DNAH7: variants seen among roughly 807,000 people sequenced by gnomAD.
DNAH7 encodes the protein axonemal beta dynein heavy chain 7.
A neutral mutation model predicts 444.6 loss-of-function variants in DNAH7; 397 were observed. That is an observed-to-expected ratio of 0.89 (90% CI 0.82 to 0.97). The LOEUF (loss-of-function observed/expected upper bound fraction) is 0.97. DNAH7 is among the 50% of genes least tolerant of loss of function. DNAH7 has a pLI of 0.00. For synonymous variants in DNAH7, 1,636 were observed against 1,624.4 expected (o/e 1.01, Z -0.17); for missense variants, 4,902 against 4,800.8 (o/e 1.02, Z -0.62).
chr2:195,923,511 A>T, intron 23 of DNAH7, 84 bp downstream of exon 23: 1 of 1,310,942 alleles, frequency 7.6e-7, no homozygotes, highest in South Asian at 1.3e-5. Flanking sequence ...TACTGCTACT[A>T]TTTCCCATGT....
intron 63 of DNAH7, among the ~76,000 whole-genome samples, chr2:195,748,114 G>T (rs918039452): frequency 8.5e-5 from 13 of 152,166 alleles, no homozygotes; most frequent in Non-Finnish European, 1.6e-4. Context: ...ATCTCCTTAA[G>T]CTGATAAGCA....
intron 64 of DNAH7, among the ~76,000 whole-genome samples, chr2:195,740,042 G>A (rs765887338): frequency 6.6e-6 from 1 of 152,104 alleles, no homozygotes; most frequent in Non-Finnish European, 1.5e-5. Flanking sequence ...GGAGTGCAAT[G>A]GTGCGATCTA....
rs1688343671 is a variant in DNAH7, at chr2:195,926,500, C to G, written c.3538G>C (p.Gly1180Arg). The G allele has an allele frequency of 1.2e-6, 2 of 1,607,106 alleles. No homozygotes were observed. Among genetic ancestry groups the G allele is most frequent in the Non-Finnish European group, 1.7e-6 (2 of 1,177,216 alleles). ...ERINWVRDWP[G>R]QTVLCVSQIF... is the part of the protein sequence containing the mutation. ...TGGGATACACAGAGAACAGTCTGTC[C>G]AGGCCAATCCCTTACCCAGTTAATT... The change falls in exon 22 of 65, where the codon GGA (glycine) becomes CGA (arginine). Residue 1180 changes from glycine (G) to arginine (R), a missense_variant. Gly to Arg is a moderately radical substitution (Grantham distance 125, BLOSUM62 -2). Transcript: ENST00000312428.
At chr2:195,933,747 T>C (rs1485205952) in intron 21 of DNAH7, among the ~76,000 whole-genome samples, 1 of 82,542 alleles carries the variant, frequency 1.2e-5, no homozygotes, top group Non-Finnish European at 2.3e-5. Context: ...CGGGGCCTGT[T>C]GTGGGGTGGG....
intron 36 of DNAH7, 151 bp downstream of exon 36, chr2:195,881,643 CA>C (rs549774814): frequency 1.8e-3 from 1,191 of 676,652 alleles, no homozygotes; most frequent in South Asian, 2.7e-3. Flanking sequence ...TTGGCTAAAA[CA>C]AAAAAAAATA....
intron 3 of DNAH7, among the ~76,000 whole-genome samples, chr2:196,050,793 CT>C (rs1697417844): frequency 1.3e-5 from 2 of 152,188 alleles, no homozygotes; most frequent in Admixed American, 6.5e-5. Context: ...GAAGACCCAT[CT>C]CCTTGAAGAT....
chr2:195,846,620 G>T (rs1264743464), intron 46 of DNAH7, among the ~76,000 whole-genome samples: 2 of 152,210 alleles, frequency 1.3e-5, no homozygotes, highest in African/African-American at 4.8e-5. Context: ...TCCTGGGTGT[G>T]TCTCTGAGGG....
intron 19 of DNAH7, among the ~76,000 whole-genome samples, chr2:195,937,114 G>T (rs1231521024): frequency 2.0e-5 from 3 of 152,018 alleles, no homozygotes; most frequent in African/African-American, 7.2e-5. Flanking sequence ...ACTGGTATGA[G>T]ATATTTTCTT....
intron 47 of DNAH7, among the ~76,000 whole-genome samples, chr2:195,842,637 A>G (rs1200990156): frequency 6.6e-6 from 1 of 152,154 alleles, no homozygotes; most frequent in Non-Finnish European, 1.5e-5. Context: ...ACTTTCTGCT[A>G]ATATTTCAAC....
intron 5 of DNAH7, among the ~76,000 whole-genome samples, chr2:196,036,253 C>T (rs965848579): frequency 2.6e-5 from 4 of 152,010 alleles, no homozygotes; most frequent in African/African-American, 7.3e-5. Flanking sequence ...AGGCTGGTCT[C>T]GAACTCCTGA....
intron 43 of DNAH7, 142 bp downstream of exon 43, chr2:195,858,332 C>G: frequency 1.4e-6 from 1 of 739,788 alleles, no homozygotes; most frequent in Non-Finnish European, 2.0e-6. Context: ...TTAGGGAATT[C>G]TTTTGCCAAT....
intron 1 of DNAH7, among the ~76,000 whole-genome samples, chr2:196,065,520 G>A (rs1041045247): frequency 3.9e-5 from 6 of 152,154 alleles, no homozygotes; most frequent in African/African-American, 1.4e-4. Context: ...GTGCCTGGGA[G>A]GCTGAATTCT....
intron 19 of DNAH7, among the ~76,000 whole-genome samples, chr2:195,954,684 C>T (rs1427055629): frequency 2.0e-5 from 3 of 151,918 alleles, no homozygotes; most frequent in Non-Finnish European, 2.9e-5. Context: ...TCCTCTCCAG[C>T]ACCTGTTGTT....
At chr2:195,784,122 A>C (rs1695506959) in intron 58 of DNAH7, among the ~76,000 whole-genome samples, 1 of 152,186 alleles carries the variant, frequency 6.6e-6, no homozygotes, top group Non-Finnish European at 1.5e-5. Flanking sequence ...TCCACAGCTG[A>C]CATTAGGGTT....
intron 24 of DNAH7, among the ~76,000 whole-genome samples, chr2:195,921,080 T>C (rs1377104714): frequency 6.6e-6 from 1 of 152,196 alleles, no homozygotes; most frequent in African/African-American, 2.4e-5. Flanking sequence ...AGTGTGGATG[T>C]AGTGAAAGGG....
At chr2:195,908,820 G>T (rs1687191514) in intron 25 of DNAH7, among the ~76,000 whole-genome samples, 1 of 151,956 alleles carries the variant, frequency 6.6e-6, no homozygotes, top group Non-Finnish European at 1.5e-5. Context: ...TTATAATTTT[G>T]AGCTTTTAAA....
At chr2:196,047,108 C>G (rs908121154) in intron 5 of DNAH7, among the ~76,000 whole-genome samples, 1 of 152,160 alleles carries the variant, frequency 6.6e-6, no homozygotes, top group African/African-American at 2.4e-5. Flanking sequence ...ATAATAAGAA[C>G]TCCCAGAAAT....
intron 47 of DNAH7, among the ~76,000 whole-genome samples, chr2:195,841,690 C>T (rs1261025016): frequency 6.6e-6 from 1 of 151,234 alleles, no homozygotes; most frequent in Non-Finnish European, 1.5e-5. Flanking sequence ...TTTTTTTTAA[C>T]AAGAAAATGT....
chr2:195,923,803 A>C lies in DNAH7; in HGVS notation c.3617T>G (p.Leu1206Arg), dbSNP rs1688169167. The stretch of plus-strand genomic sequence containing the variant: ...GTTACATGTTTTCAAGTATTGCTCA[A>C]GAGCCTGAAAGAAAAGAAAATAAGA... ...QTAIPMGIKALEQYLKTCNRQ... is the reference protein window; with the variant it reads ...QTAIPMGIKAREQYLKTCNRQ... The change falls in exon 23 of 65, where the codon CTT becomes CGT. Residue 1206 changes from leucine to arginine, a missense_variant. Transcript: ENST00000312428. 1 of 1,613,564 alleles carries C rather than the reference A, an allele frequency of 6.2e-7. No individual in the cohort carries two copies. The highest frequency in any genetic ancestry group is 8.5e-7 in the Non-Finnish European group (1 of 1,179,692).
Sources: gnomAD v4.1 joint callset for allele counts (sites outside exome capture counted in the v4.1 genomes callset) on GRCh38, gnomAD v4.1.1 for gene constraint, MANE v1.5 for transcripts, NCBI Gene and HGNC (gene_info 2026-07-23, HGNC 2026-07-21) for gene names.